Variants in SEPTIN9 observed in about 807,000 individuals in gnomAD.
SEPTIN9 encodes septin-9.
In SEPTIN9, 13 loss-of-function variants were observed where a neutral mutation model predicts 56.6. The observed-to-expected ratio is 0.23, with a 90% CI of 0.15 to 0.37. SEPTIN9 has a LOEUF of 0.37. Among genes scored for constraint, SEPTIN9 ranks in the 10% least tolerant of loss-of-function variants. The probability of loss-of-function intolerance (pLI) is 1.00; values close to 1 mark genes in which losing one functional copy is unlikely to be tolerated. For synonymous variants in SEPTIN9, 332 were observed against 334.1 expected, an observed-to-expected ratio of 0.99 and a Z score of 0.07; for missense variants, 650 against 823.1, an observed-to-expected ratio of 0.79 and a Z score of 2.57.
intron 2 of SEPTIN9, among the ~76,000 whole-genome samples, chr17:77,307,450 C>T (rs551210422): frequency 1.7e-4 from 26 of 152,282 alleles, no homozygotes; most frequent in Admixed American, 1.3e-3. Flanking sequence ...GGAGCAAGCC[C>T]GTGTGTGCGG....
chr17:77,387,139 G>C (rs953890379), intron 2 of SEPTIN9, among the ~76,000 whole-genome samples: 1 of 152,226 alleles, frequency 6.6e-6, no homozygotes, highest in African/African-American at 2.4e-5. Flanking sequence ...TTTGGGGGCT[G>C]AAGATGGTTC....
intron 3 of SEPTIN9, among the ~76,000 whole-genome samples, chr17:77,447,987 A>T (rs998233644): frequency 6.6e-6 from 1 of 152,174 alleles, no homozygotes; most frequent in Non-Finnish European, 1.5e-5. Context: ...GGCGGGTGAC[A>T]CTGATGGTGG....
At chr17:77,432,824 G>T (rs1419950724) in intron 3 of SEPTIN9, among the ~76,000 whole-genome samples, 1 of 152,256 alleles carries the variant, frequency 6.6e-6, no homozygotes, top group Admixed American at 6.5e-5. Flanking sequence ...GACCACCGCG[G>T]CGGCTGAGCA....
intron 4 of SEPTIN9, among the ~76,000 whole-genome samples, chr17:77,486,487 G>GGTGTGTGTGT (rs773025304): frequency 8.5e-4 from 122 of 143,736 alleles, no homozygotes; most frequent in African/African-American, 2.0e-3. Flanking sequence ...AGTCTGGAGG[G>GGTGTGTGTGT]GTGTGTGTGT....
chr17:77,460,077 C>T (rs946234631), intron 3 of SEPTIN9, among the ~76,000 whole-genome samples: 2 of 152,060 alleles, frequency 1.3e-5, no homozygotes, highest in Non-Finnish European at 2.9e-5. Context: ...AGCCCCACCC[C>T]CCCCAGGCCT....
intron 2 of SEPTIN9, among the ~76,000 whole-genome samples, chr17:77,392,714 A>G (rs1280940957): frequency 6.6e-6 from 1 of 152,036 alleles, no homozygotes; most frequent in African/African-American, 2.4e-5. Flanking sequence ...GACCTTTGGC[A>G]GGTTTGAACT....
intron 2 of SEPTIN9, chr17:77,373,321 C>T: frequency 8.6e-7 from 1 of 1,168,878 alleles, no homozygotes; most frequent in Non-Finnish European, 1.1e-6. Context: ...GGGGCCGGCG[C>T]CCGCCTTCCT....
chr17:77,405,341 A>T lies in SEPTIN9; in HGVS notation c.721+2638A>T, dbSNP rs941704359. 6.6e-6 allele frequency among the ~76,000 whole-genome samples: 1 copy of T among 152,108 alleles called. No homozygotes were observed. Among genetic ancestry groups the T allele is most frequent in the Non-Finnish European group, 1.5e-5 (1 of 68,000 alleles). ...TCCAGGGAGCTTCCCCAGCAGTGGAAGTACAATTTCATCAGGCCAGGAAGG... is the reference window on the plus strand; with the variant it reads ...TCCAGGGAGCTTCCCCAGCAGTGGATGTACAATTTCATCAGGCCAGGAAGG... On this transcript the variant is annotated intron_variant, in intron 3 of 11. Coordinates refer to ENST00000427177, the MANE Select transcript of SEPTIN9 (RefSeq NM_001113491.2). This position sits in a 1 kb window ranked among gnomAD's most constrained non-coding sequence, Gnocchi z 5.8.
Position 77,384,895 on chromosome 17 carries a change from G to C in SEPTIN9, c.77-17164G>C, listed in dbSNP as rs1298480508. Among the ~76,000 whole-genome samples the C allele has an allele frequency of 2.1e-5, 3 of 145,914 alleles. No homozygotes were observed. In the East Asian group the frequency reaches 6.1e-4, roughly 30 times the overall value. ...CACACACACACACACACACTCCCCA[G>C]TAAAGAGTGGAAAGACATTTGTCAG... On this transcript the variant is annotated intron_variant, in intron 2 of 11. Transcript: ENST00000427177.
In SEPTIN9 at chr17:77,313,629, C is replaced by T. The variant is rs1490066606; in HGVS notation, c.76+6432C>T. On this transcript the variant is annotated intron_variant, in intron 2 of 11. Transcript: ENST00000427177. The surrounding 1 kb of genome is among the most constrained non-coding windows in gnomAD (Gnocchi z 4.5). ...CTGGCAGGTACAGTAGCAGGGTCAG[C>T]AGGAGGGAGTCCAGGACGGAGCTCC... Among the ~76,000 whole-genome samples, 1 of 152,068 alleles carries T rather than the reference C, an allele frequency of 6.6e-6. No homozygotes were observed. Among genetic ancestry groups the T allele is most frequent in the Non-Finnish European group, 1.5e-5 (1 of 67,998 alleles).
rs1021233503 is a variant in SEPTIN9, at chr17:77,307,339, A to C, written c.76+142A>C. ...ACTTGCCCATTTCCCAGGGAGACGCAGTCTTTGACGGCTTTGGACTCAGGT... is the reference window on the plus strand; with the variant it reads ...ACTTGCCCATTTCCCAGGGAGACGCCGTCTTTGACGGCTTTGGACTCAGGT... On this transcript the variant is annotated intron_variant, in intron 2 of 11. Transcript: ENST00000427177. 7 of 801,902 alleles carry C rather than the reference A, an allele frequency of 8.7e-6. No homozygotes were observed. In the African/African-American group the frequency reaches 1.2e-4, roughly 14 times the overall value. The allele number at this position is 801,902 out of a possible 1,614,324, so 49.7% of individuals were successfully genotyped here. A position where few individuals can be genotyped will look rare whatever the true frequency, so the allele number is the denominator to read the frequency against.
chr17:77,485,331 G>T (rs1174698503), intron 4 of SEPTIN9, among the ~76,000 whole-genome samples: 4 of 127,056 alleles, frequency 3.1e-5, no homozygotes, highest in Non-Finnish European at 5.0e-5. Flanking sequence ...TAGTGATGGG[G>T]ATGATGGTGG....
At chr17:77,333,219 C>A (rs897149900) in intron 2 of SEPTIN9, among the ~76,000 whole-genome samples, 58 of 152,274 alleles carry the variant, frequency 3.8e-4, no homozygotes, top group African/African-American at 1.3e-3. Context: ...ATGACTAATG[C>A]GGTTGAGCAC....
At chr17:77,444,197 G>T (rs1439386806) in intron 3 of SEPTIN9, among the ~76,000 whole-genome samples, 2 of 152,292 alleles carry the variant, frequency 1.3e-5, no homozygotes, top group East Asian at 3.9e-4. Flanking sequence ...AGATTGCAGG[G>T]GTCCTCGAAT....
At position 77,320,422 on chromosome 17, in the gene SEPTIN9, A is replaced by G. The variant is rs2032870975; in HGVS notation, c.76+13225A>G. ...TCGGGGCTTTATTTATGCCTGGGGGAATAAGCATGCAAAGGGCGCTTTTGC... is the reference window on the plus strand; with the variant it reads ...TCGGGGCTTTATTTATGCCTGGGGGGATAAGCATGCAAAGGGCGCTTTTGC... On this transcript the variant is annotated intron_variant, in intron 2 of 11. Transcript: ENST00000427177. 6.0e-6 allele frequency: 8 copies of G among 1,323,226 alleles called. No homozygotes were observed. In the Admixed American group the frequency reaches 1.0e-4, roughly 17 times the overall value. 82.0% of individuals were successfully genotyped at this position (1,323,226 alleles called of 1,614,324 possible). A position where few individuals can be genotyped will look rare whatever the true frequency, so the allele number is the denominator to read the frequency against.
intron 2 of SEPTIN9, among the ~76,000 whole-genome samples, chr17:77,381,170 C>T (rs1379017882): frequency 2.0e-5 from 3 of 152,196 alleles, no homozygotes; most frequent in African/African-American, 7.2e-5. Context: ...CCACCTGGGC[C>T]ACAGATAGAC....
intron 2 of SEPTIN9, among the ~76,000 whole-genome samples, chr17:77,354,465 C>T (rs1239484296): frequency 6.6e-6 from 1 of 152,142 alleles, no homozygotes; most frequent in Non-Finnish European, 1.5e-5. Context: ...CCTGGTATGA[C>T]CTAGCTCCAG....
At chr17:77,482,627 A>G (rs2039505512) in intron 4 of SEPTIN9, 1 of 633,366 alleles carries the variant, frequency 1.6e-6, no homozygotes, top group Non-Finnish European at 2.9e-6. Context: ...GCTGCCTCTG[A>G]GCAATGACGT....
In SEPTIN9 at chr17:77,281,643, C is replaced by T. The variant is rs116581271; in HGVS notation, c.19+89C>T. ...GCCTGCGGCCGGGAGTGGCGAGGCG[C>T]CCCCGGAGCTGAGCGAGTCCCCGCG... On this transcript the variant is annotated intron_variant, in intron 1 of 11. Coordinates refer to ENST00000427177, the MANE Select transcript of SEPTIN9 (RefSeq NM_001113491.2). 1.5e-3 allele frequency: 1,933 copies of T among 1,307,100 alleles called. 29 individuals carry two copies. In the African/African-American group the frequency reaches 0.025, roughly 17 times the overall value. The allele number at this position is 1,307,100 out of a possible 1,614,324, so 81.0% of individuals were successfully genotyped here. A position where few individuals can be genotyped will look rare whatever the true frequency, so the allele number is the denominator to read the frequency against.
Sources: gnomAD v4.1 joint callset for allele counts (sites outside exome capture counted in the v4.1 genomes callset) on GRCh38, gnomAD v4.1.1 for gene constraint, Gnocchi (gnomAD v3.1) non-coding constraint, MANE v1.5 for transcripts, NCBI Gene and HGNC (gene_info 2026-07-23, HGNC 2026-07-21) for gene names.